ATP8A1: variants seen among roughly 807,000 people sequenced by gnomAD.
ATP8A1 encodes the protein phospholipid-transporting ATPase IA.
ATP8A1 carries 90 observed loss-of-function variants against 177.7 expected under a neutral mutation model. The observed-to-expected ratio is 0.51, with a 90% confidence interval of 0.43 to 0.60. The LOEUF is 0.60. ATP8A1 is among the 20% of genes least tolerant of loss of function. The pLI, the probability that ATP8A1 is intolerant of heterozygous loss-of-function variation, is 0.00. For missense variants in ATP8A1, 1,072 were observed against 1,392.8 expected, an observed-to-expected ratio of 0.77 and a Z score of 3.67; for synonymous variants, 493 against 485.9, an observed-to-expected ratio of 1.01 and a Z score of -0.19.
chr4:42,591,624 C>T (rs535391033), intron 6 of ATP8A1, among the ~76,000 whole-genome samples: 3 of 152,096 alleles, frequency 2.0e-5, no homozygotes, highest in East Asian at 1.9e-4. Context: ...AATAGACATG[C>T]GGAGAATATG....
At chr4:42,531,996 G>A (rs1237914804) in intron 20 of ATP8A1, among the ~76,000 whole-genome samples, 1 of 152,004 alleles carries the variant, frequency 6.6e-6, no homozygotes, top group African/African-American at 2.4e-5. Context: ...CAGTTACTCG[G>A]GAGTATGAGG....
intron 6 of ATP8A1, among the ~76,000 whole-genome samples, chr4:42,591,901 T>G (rs1312155414): frequency 1.3e-5 from 2 of 152,162 alleles, no homozygotes; most frequent in Non-Finnish European, 2.9e-5. Flanking sequence ...CACTTGCGGG[T>G]AAAAATCATC....
chr4:42,612,825 T>C (rs910813031), intron 5 of ATP8A1, among the ~76,000 whole-genome samples: 2 of 152,150 alleles, frequency 1.3e-5, no homozygotes, highest in South Asian at 4.1e-4. Context: ...AGTTTATATT[T>C]CTGAAGTTGC....
chr4:42,500,295 G>T (rs955629599), intron 24 of ATP8A1, among the ~76,000 whole-genome samples: 2 of 152,130 alleles, frequency 1.3e-5, no homozygotes, highest in Non-Finnish European at 2.9e-5. Context: ...AACCCAGAAG[G>T]CGGAGGTTGC....
At chr4:42,500,618 G>A (rs1723766510) in intron 24 of ATP8A1, among the ~76,000 whole-genome samples, 1 of 151,836 alleles carries the variant, frequency 6.6e-6, no homozygotes, top group Non-Finnish European at 1.5e-5. Context: ...GCTGATCCTG[G>A]CAATTTTACA....
At chr4:42,435,011 C>T (rs1715751731) in intron 33 of ATP8A1, among the ~76,000 whole-genome samples, 1 of 152,126 alleles carries the variant, frequency 6.6e-6, no homozygotes, top group Non-Finnish European at 1.5e-5. Context: ...GAAAAATATG[C>T]CATAAAGTAA....
intron 1 of ATP8A1, among the ~76,000 whole-genome samples, chr4:42,629,453 G>C (rs1242543831): frequency 1.3e-5 from 2 of 152,144 alleles, no homozygotes; most frequent in Non-Finnish European, 2.9e-5. Flanking sequence ...GCCCTGACCA[G>C]GTGTGATACT....
At chr4:42,463,856 A>G (rs929851631) in intron 27 of ATP8A1, among the ~76,000 whole-genome samples, 1 of 152,242 alleles carries the variant, frequency 6.6e-6, no homozygotes, top group Admixed American at 6.5e-5. Context: ...AGATCTGGAT[A>G]GAGAGGGATG....
At chr4:42,457,142 A>G (rs985345626) in intron 27 of ATP8A1, among the ~76,000 whole-genome samples, 1 of 152,214 alleles carries the variant, frequency 6.6e-6, no homozygotes, top group African/African-American at 2.4e-5. Context: ...TTTGCTACAC[A>G]TATTTATGGA....
intron 12 of ATP8A1, among the ~76,000 whole-genome samples, chr4:42,577,178 AAAC>A (rs796302907): frequency 3.0e-4 from 45 of 152,352 alleles, no homozygotes; most frequent in African/African-American, 9.6e-4. Context: ...TTGAAAATCA[AAAC>A]AACAAAGTGA....
At chr4:42,515,720 T>G (rs1715329568) in intron 22 of ATP8A1, among the ~76,000 whole-genome samples, 1 of 152,154 alleles carries the variant, frequency 6.6e-6, no homozygotes, top group Non-Finnish European at 1.5e-5. Context: ...CTCCCACCAC[T>G]GAAACAAAAG....
rs76660003 is a variant in ATP8A1, at chr4:42,441,561, G to A, written c.3123+2004C>T. 5.7e-3 allele frequency among the ~76,000 whole-genome samples: 873 copies of A among 152,182 alleles called. 9 individuals are homozygous for A. Among genetic ancestry groups the A allele is most frequent in the African/African-American group, 0.019 (802 of 41,518 alleles). On this transcript the variant is annotated intron_variant, in intron 33 of 36. Transcript: ENST00000381668. ...TTATTAGCCTAATGCCCAAGAAACA[G>A]TAAATGGAGATGATTTACCTCGGAG... is the stretch of plus-strand genomic sequence containing the variant.
chr4:42,547,430 T>C (rs1465573081), intron 19 of ATP8A1, among the ~76,000 whole-genome samples: 1 of 152,236 alleles, frequency 6.6e-6, no homozygotes, highest in Non-Finnish European at 1.5e-5. Flanking sequence ...ATGTTCATTC[T>C]TAAACCCACC....
chr4:42,551,462 T>C (rs919446724), intron 17 of ATP8A1, among the ~76,000 whole-genome samples, 182 bp from the exon 18 acceptor site: 1 of 152,222 alleles, frequency 6.6e-6, no homozygotes, highest in African/African-American at 2.4e-5. Flanking sequence ...AGGATAATAA[T>C]CTTAAGTGTT....
intron 1 of ATP8A1, among the ~76,000 whole-genome samples, chr4:42,629,913 C>G (rs1238484605): frequency 6.6e-6 from 1 of 152,200 alleles, no homozygotes; most frequent in Non-Finnish European, 1.5e-5. Flanking sequence ...AATCCAGACT[C>G]TTTCCATGTA....
chr4:42,540,872 T>C (rs1291280591), intron 20 of ATP8A1, among the ~76,000 whole-genome samples: 1 of 152,134 alleles, frequency 6.6e-6, no homozygotes, highest in African/African-American at 2.4e-5. Context: ...AATTCAATGT[T>C]TGATAGCCCG....
intron 22 of ATP8A1, among the ~76,000 whole-genome samples, chr4:42,520,458 A>T (rs949460668): frequency 1.3e-5 from 2 of 152,134 alleles, no homozygotes. Flanking sequence ...ATTAAAAGAG[A>T]TTGTGATTAT....
chr4:42,621,685 C>T (rs1007487108), intron 4 of ATP8A1, among the ~76,000 whole-genome samples: 1 of 152,158 alleles, frequency 6.6e-6, no homozygotes, highest in Non-Finnish European at 1.5e-5. Context: ...ATTAAACTAC[C>T]ATTCTTTACA....
At chr4:42,482,428 T>G (rs1721785485) in intron 25 of ATP8A1, among the ~76,000 whole-genome samples, 1 of 152,010 alleles carries the variant, frequency 6.6e-6, no homozygotes, top group African/African-American at 2.4e-5. Flanking sequence ...AGAAAAATAT[T>G]TGAGGCACAA....
Sources: gnomAD v4.1 joint callset for allele counts (sites outside exome capture counted in the v4.1 genomes callset) on GRCh38, gnomAD v4.1.1 for gene constraint, MANE v1.5 for transcripts, NCBI Gene and HGNC (gene_info 2026-07-23, HGNC 2026-07-21) for gene names.